DCLK2: variants seen among roughly 807,000 people sequenced by gnomAD.
DCLK2 encodes serine/threonine-protein kinase DCLK2.
In DCLK2, 31 loss-of-function variants were observed where a neutral mutation model predicts 78.4. The observed-to-expected ratio is 0.40, with a 90% CI of 0.30 to 0.53. The LOEUF is 0.53. Among genes scored for constraint, DCLK2 ranks in the 20% least tolerant of loss-of-function variants. The pLI is 0.61. For missense variants in DCLK2, 872 were observed against 973.7 expected (o/e 0.90, Z 1.39); for synonymous variants, 407 against 374.9 (o/e 1.09, Z -0.99).
At chr4:150,091,049 C>A (rs891108546) in intron 1 of DCLK2, among the ~76,000 whole-genome samples, 1 of 152,126 alleles carries the variant, frequency 6.6e-6, no homozygotes, top group Non-Finnish European at 1.5e-5. Context: ...ACATTCTGTG[C>A]GGTTTGGCCA....
intron 2 of DCLK2, among the ~76,000 whole-genome samples, chr4:150,146,380 A>G (rs1171276019): frequency 1.3e-5 from 2 of 152,212 alleles, no homozygotes; most frequent in East Asian, 3.9e-4. Flanking sequence ...CACAAATTTC[A>G]GATTCAGTGC....
chr4:150,250,681 G>C (rs1047176262), intron 15 of DCLK2, among the ~76,000 whole-genome samples: 17 of 151,574 alleles, frequency 1.1e-4, no homozygotes, highest in African/African-American at 3.9e-4. Context: ...CCACAGCTCC[G>C]TCACTCGTAC....
At chr4:150,151,921 T>C (rs904976633) in intron 2 of DCLK2, among the ~76,000 whole-genome samples, 134 of 129,126 alleles carry the variant, frequency 1.0e-3, no homozygotes, top group Non-Finnish European at 3.8e-4. Flanking sequence ...TGAGGCTCTG[T>C]CTCAAAAAAA....
intron 1 of DCLK2, among the ~76,000 whole-genome samples, chr4:150,101,914 C>G (rs1442958727): frequency 1.3e-5 from 2 of 152,108 alleles, no homozygotes; most frequent in Non-Finnish European, 2.9e-5. Context: ...AGAACTCTTC[C>G]ATAATGTTTG....
intron 8 of DCLK2, 64 bp downstream of exon 8, chr4:150,224,622 G>A: frequency 7.1e-7 from 1 of 1,410,304 alleles, no homozygotes; most frequent in Non-Finnish European, 9.8e-7. Flanking sequence ...TGTTTACTGT[G>A]ATGAAGGAAT....
intron 3 of DCLK2, among the ~76,000 whole-genome samples, chr4:150,194,635 T>C (rs962640399): frequency 6.6e-5 from 10 of 152,190 alleles, no homozygotes; most frequent in African/African-American, 2.4e-4. Flanking sequence ...TAAAGTCAGC[T>C]TCCTCTTTAA....
chr4:150,117,126 G>A lies in DCLK2; in HGVS notation c.756+14314G>A, dbSNP rs574897109. On this transcript the variant is annotated intron_variant, in intron 2 of 15. Coordinates refer to ENST00000296550, the MANE Select transcript of DCLK2 (RefSeq NM_001040260.4). The stretch of plus-strand genomic sequence containing the variant: ...TTTTCATGTGCAGGTGCAAGCAGTG[G>A]CCCCAGTGGGGATCAGGGGTCAGTT... Among the ~76,000 whole-genome samples the A allele has an allele frequency of 3.3e-5, 5 of 152,264 alleles. No individual in the cohort carries two copies. In the South Asian group the frequency reaches 8.3e-4, roughly 25 times the overall value.
rs1192694045 is a variant in DCLK2 at position 150,232,466 on chromosome 4, T to C, written c.1419+10T>C. The C allele has an allele frequency of 6.2e-7, 1 of 1,612,742 alleles. No homozygotes were observed. Among genetic ancestry groups the C allele is most frequent in the Non-Finnish European group, 8.5e-7 (1 of 1,179,584 alleles). ...GATGGAATTGGTCAAAGTAAGAGGATAGAGAGATTTTCTTGGTGCCTAGTC... is the reference window on the plus strand; with the variant it reads ...GATGGAATTGGTCAAAGTAAGAGGACAGAGAGATTTTCTTGGTGCCTAGTC... On this transcript the variant is annotated intron_variant, in intron 9 of 15. Coordinates refer to ENST00000296550, the MANE Select transcript of DCLK2 (RefSeq NM_001040260.4).
At chr4:150,112,678 C>A (rs564492676) in intron 2 of DCLK2, among the ~76,000 whole-genome samples, 1 of 151,984 alleles carries the variant, frequency 6.6e-6, no homozygotes, top group Non-Finnish European at 1.5e-5. Context: ...GCTTTTTCTG[C>A]ATCGATTGAG....
chr4:150,083,948 C>G (rs1231895297), intron 1 of DCLK2, among the ~76,000 whole-genome samples: 1 of 152,198 alleles, frequency 6.6e-6, no homozygotes, highest in Non-Finnish European at 1.5e-5. Context: ...AATGCACATT[C>G]TCCTGGGAGA....
chr4:150,138,228 C>T (rs1367251263), intron 2 of DCLK2, among the ~76,000 whole-genome samples: 1 of 152,180 alleles, frequency 6.6e-6, no homozygotes, highest in Non-Finnish European at 1.5e-5. Context: ...AACCCAACTA[C>T]CTGGGTGTGT....
chr4:150,101,368 A>G (rs1018150233), intron 1 of DCLK2, among the ~76,000 whole-genome samples: 1 of 152,214 alleles, frequency 6.6e-6, no homozygotes, highest in Non-Finnish European at 1.5e-5. Flanking sequence ...TTTCAAGAAC[A>G]TTATGATAAT....
intron 2 of DCLK2, among the ~76,000 whole-genome samples, chr4:150,121,335 A>G (rs146239797): frequency 4.9e-5 from 7 of 141,536 alleles, no homozygotes; most frequent in Non-Finnish European, 1.1e-4. Context: ...GGAATATTCT[A>G]AATCCTTTGT....
chr4:150,240,377 C>A (rs763140776), intron 11 of DCLK2, 22 bp from the exon 12 acceptor site: 2 of 1,612,486 alleles, frequency 1.2e-6, no homozygotes, highest in Non-Finnish European at 8.5e-7. Context: ...TTCTCTCCCC[C>A]TCACCCACTT....
intron 11 of DCLK2, 82 bp from the exon 12 acceptor site, chr4:150,240,317 C>A: frequency 1.8e-6 from 2 of 1,133,538 alleles, no homozygotes; most frequent in Non-Finnish European, 1.3e-6. Context: ...CTTTTCCTAA[C>A]AAATAAAGGC....
At chr4:150,153,127 A>G (rs1167456370) in intron 2 of DCLK2, among the ~76,000 whole-genome samples, 1 of 152,230 alleles carries the variant, frequency 6.6e-6, no homozygotes. Context: ...ATGAAAGTCC[A>G]TGGAGTAGTG....
chr4:150,132,068 T>C (rs1733352194), intron 2 of DCLK2, among the ~76,000 whole-genome samples: 1 of 152,136 alleles, frequency 6.6e-6, no homozygotes, highest in South Asian at 2.1e-4. Context: ...TGTGGTATCC[T>C]TGTGCTCTCT....
chr4:150,197,141 G>A (rs1204070152), intron 3 of DCLK2, among the ~76,000 whole-genome samples: 1 of 128,254 alleles, frequency 7.8e-6, no homozygotes, highest in Non-Finnish European at 1.7e-5. Context: ...GCGACAGAGC[G>A]AGACTCCGTC....
chr4:150,102,922 G>A, intron 2 of DCLK2, 110 bp downstream of exon 2: 1 of 1,027,562 alleles, frequency 9.7e-7, no homozygotes, highest in African/African-American at 1.6e-5. Flanking sequence ...ATCCTTCTGG[G>A]AGTCATACTT....
Sources: gnomAD v4.1 joint callset for allele counts (sites outside exome capture counted in the v4.1 genomes callset) on GRCh38, gnomAD v4.1.1 for gene constraint, MANE v1.5 for transcripts, NCBI Gene and HGNC (gene_info 2026-07-23, HGNC 2026-07-21) for gene names.